PDE10A: variants seen among roughly 807,000 people sequenced by gnomAD.
The protein encoded by PDE10A is cAMP and cAMP-inhibited cGMP 3',5'-cyclic phosphodiesterase 10A.
A neutral mutation model predicts 97.7 loss-of-function variants in PDE10A; 39 were observed. That is an observed-to-expected ratio of 0.40 (90% CI 0.31 to 0.52). The LOEUF (loss-of-function observed/expected upper bound fraction) is 0.52, where lower values mean the gene tolerates loss of function less well. Ranked by LOEUF, PDE10A falls within the 20% of genes least tolerant of loss-of-function variation. PDE10A has a pLI of 0.56. For missense variants in PDE10A, 731 were observed against 1,047.8 expected (o/e 0.70, Z 4.17); for synonymous variants, 371 against 376.8 (o/e 0.98, Z 0.18).
At chr6:165,839,866 T>TC (rs1562762485) in intron 1 of PDE10A, among the ~76,000 whole-genome samples, 14 of 75,766 alleles carry the variant, frequency 1.8e-4, no homozygotes, top group African/African-American at 4.3e-4. Flanking sequence ...CCTGTCTCCA[T>TC]TCCCATCTGC....
At chr6:165,887,610 A>C (rs1045510774) in intron 1 of PDE10A, among the ~76,000 whole-genome samples, 3 of 152,200 alleles carry the variant, frequency 2.0e-5, no homozygotes, top group Admixed American at 2.0e-4. Flanking sequence ...CCAGTGACTA[A>C]GACCAATATG....
chr6:165,633,602 G>C (rs1216133220), intron 1 of PDE10A, among the ~76,000 whole-genome samples: 2 of 152,090 alleles, frequency 1.3e-5, no homozygotes, highest in Non-Finnish European at 2.9e-5. Flanking sequence ...TAGAGAACAG[G>C]AATAGTCTAT....
intron 18 of PDE10A, among the ~76,000 whole-genome samples, chr6:165,378,509 C>T (rs1405939550): frequency 6.6e-6 from 1 of 152,146 alleles, no homozygotes; most frequent in Non-Finnish European, 1.5e-5. Context: ...ATCTAATATA[C>T]AGATGGGTGA....
intron 1 of PDE10A, among the ~76,000 whole-genome samples, chr6:165,720,099 T>C (rs1792128372): frequency 6.6e-6 from 1 of 152,152 alleles, no homozygotes; most frequent in Non-Finnish European, 1.5e-5. Context: ...TAGTGATGTA[T>C]TATCTAGGAA....
At chr6:165,443,439 C>A (rs1416104242) in intron 5 of PDE10A, among the ~76,000 whole-genome samples, 1 of 152,130 alleles carries the variant, frequency 6.6e-6, no homozygotes, top group Non-Finnish European at 1.5e-5. Flanking sequence ...CCCTGTGGTT[C>A]TGCAGGGTAT....
At chr6:165,579,476 C>T (rs1009232927) in intron 1 of PDE10A, among the ~76,000 whole-genome samples, 2 of 152,178 alleles carry the variant, frequency 1.3e-5, no homozygotes, top group African/African-American at 4.8e-5. Context: ...TTGTCTCTCA[C>T]ACCTCACATC....
chr6:165,966,748 T>C (rs1235019882), intron 1 of PDE10A, among the ~76,000 whole-genome samples: 1 of 152,150 alleles, frequency 6.6e-6, no homozygotes, highest in Non-Finnish European at 1.5e-5. Context: ...GTAAAGGAGG[T>C]GAAACTTGTC....
At position 165,331,740 on chromosome 6, in the gene PDE10A, G is replaced by T. The variant is rs1024660756; in HGVS notation, c.*1285C>A. On this transcript the variant is annotated 3_prime_UTR_variant, in exon 22 of 22. Transcript: ENST00000539869. ...GGAAGGGGTGCAGAGTATTACTTTC[G>T]TATTTTTTAAAACACTTACATTGTA... 3 of 152,064 alleles carry T rather than the reference G, an allele frequency of 2.0e-5. No homozygotes were observed. The highest frequency in any genetic ancestry group is 4.8e-5 in the African/African-American group (2 of 41,384). 9.4% of individuals were successfully genotyped at this position (152,064 alleles called of 1,614,324 possible).
At chr6:165,367,445 T>C (rs1482826615) in intron 18 of PDE10A, among the ~76,000 whole-genome samples, 1 of 151,778 alleles carries the variant, frequency 6.6e-6, no homozygotes, top group Non-Finnish European at 1.5e-5. Context: ...CTAACAGAAG[T>C]GTCAGAGTCT....
In PDE10A at chr6:165,662,251, G is replaced by A; in HGVS notation, c.561C>T (p.Ser187=). ...TSSSHRGGGG[S]GGGRRRLFLS... ...GGAAGAGCCGCCGCCGCCCGCCGCC[G>A]CTGCCACCGCCGCCGCGGTGACTAC... Residue 187 remains serine (S), a synonymous_variant, in exon 1 of 22, where the codon AGC becomes AGT. Transcript: ENST00000539869. 6.0e-6 allele frequency: 1 copy of A among 167,596 alleles called. No individual in the cohort carries two copies. The allele number at this position is 167,596 out of a possible 1,614,324, so 10.4% of individuals were successfully genotyped here. A position where few individuals can be genotyped will look rare whatever the true frequency, so the allele number is the denominator to read the frequency against.
At chr6:165,601,446 G>C (rs923460694) in intron 1 of PDE10A, among the ~76,000 whole-genome samples, 1 of 152,034 alleles carries the variant, frequency 6.6e-6, no homozygotes, top group Non-Finnish European at 1.5e-5. Context: ...GTACTATGCC[G>C]TGTTTTATGT....
upstream of PDE10A, among the ~76,000 whole-genome samples, chr6:165,664,906 A>G (rs886569465): frequency 1.5e-4 from 23 of 152,234 alleles, no homozygotes; most frequent in Non-Finnish European, 7.3e-5. Context: ...AAGAAAATAT[A>G]CATTTAACTT....
At chr6:165,790,968 C>A (rs1019971159) in intron 1 of PDE10A, among the ~76,000 whole-genome samples, 3 of 152,112 alleles carry the variant, frequency 2.0e-5, no homozygotes, top group Non-Finnish European at 4.4e-5. Context: ...TCTTGCATAA[C>A]TGAAATTTTA....
intron 1 of PDE10A, among the ~76,000 whole-genome samples, chr6:165,713,478 C>T (rs747007880): frequency 3.9e-5 from 6 of 152,188 alleles, no homozygotes; most frequent in Non-Finnish European, 7.3e-5. Flanking sequence ...AGCTTGCTTG[C>T]ACTACAGAGG....
intron 18 of PDE10A, among the ~76,000 whole-genome samples, chr6:165,348,046 G>A (rs977672918): frequency 3.9e-5 from 6 of 152,084 alleles, no homozygotes; most frequent in South Asian, 2.1e-4. Flanking sequence ...TGACATGCAC[G>A]TACATCTAAA....
chr6:165,610,232 A>G (rs1432254441), intron 1 of PDE10A, among the ~76,000 whole-genome samples: 1 of 152,236 alleles, frequency 6.6e-6, no homozygotes, highest in Non-Finnish European at 1.5e-5. Flanking sequence ...GATCTTTGAC[A>G]AACCTGACAA....
intron 10 of PDE10A, among the ~76,000 whole-genome samples, chr6:165,427,756 T>A (rs1035093174): frequency 2.6e-5 from 4 of 152,248 alleles, no homozygotes; most frequent in Admixed American, 2.0e-4. Context: ...GTCTACATTA[T>A]AACTTTATAT....
At chr6:165,435,529 G>A in intron 5 of PDE10A, 152 bp from the exon 6 acceptor site, 1 of 557,564 alleles carries the variant, frequency 1.8e-6, no homozygotes, top group Admixed American at 3.9e-5. Context: ...GATCAAACCA[G>A]ATTACCTAAA....
intron 1 of PDE10A, among the ~76,000 whole-genome samples, chr6:165,690,538 C>A (rs1739117507): frequency 6.6e-6 from 1 of 152,182 alleles, no homozygotes; most frequent in Admixed American, 6.5e-5. Context: ...GCTCAAAACC[C>A]TGCAATGACT....
Sources: gnomAD v4.1 joint callset for allele counts (sites outside exome capture counted in the v4.1 genomes callset) on GRCh38, gnomAD v4.1.1 for gene constraint, MANE v1.5 for transcripts, NCBI Gene and HGNC (gene_info 2026-07-23, HGNC 2026-07-21) for gene names.